The following PPIP5K2 variants were observed in gnomAD, a reference collection of about 807,000 sequenced individuals.
The protein encoded by PPIP5K2 is diphosphoinositol pentakisphosphate kinase 2.
A neutral mutation model predicts 154.6 loss-of-function variants in PPIP5K2; 105 were observed. That is an observed-to-expected ratio of 0.68 (90% CI 0.58 to 0.80). The LOEUF (loss-of-function observed/expected upper bound fraction) is 0.80, where lower values mean the gene tolerates loss of function less well. PPIP5K2 is among the 30% of genes least tolerant of loss of function. The pLI is 0.00. For synonymous variants in PPIP5K2, 480 were observed against 490.3 expected (o/e 0.98, Z 0.28); for missense variants, 992 against 1,504.6 (o/e 0.66, Z 5.64).
chr5:103,164,010 A>G (rs1337362242), intron 17 of PPIP5K2, among the ~76,000 whole-genome samples: 1 of 152,036 alleles, frequency 6.6e-6, no homozygotes, highest in East Asian at 1.9e-4. Flanking sequence ...TATATGTACA[A>G]ATATTTCATT....
rs555068609 is a variant in PPIP5K2, at chr5:103,135,699, T to G, written c.311-1033T>G. 6.7e-3 allele frequency among the ~76,000 whole-genome samples: 1,020 copies of G among 152,098 alleles called. 16 individuals are homozygous for G. Among genetic ancestry groups the G allele is most frequent in the Non-Finnish European group, 7.5e-3 (507 of 67,980 alleles). On this transcript the variant is annotated intron_variant, in intron 3 of 30. Coordinates refer to ENST00000358359, the MANE Select transcript of PPIP5K2 (RefSeq NM_001276277.3). ...CTCCCAACTCGGCCTCCCAAAGTAC[T>G]GGGACAGGCAAGAGCCACTGCACCT...
intron 19 of PPIP5K2, among the ~76,000 whole-genome samples, chr5:103,172,693 A>G (rs1798138725): frequency 6.6e-6 from 1 of 151,834 alleles, no homozygotes; most frequent in Non-Finnish European, 1.5e-5. Flanking sequence ...TCCAGTTAAA[A>G]CTTTAAAAAT....
intron 1 of PPIP5K2, among the ~76,000 whole-genome samples, chr5:103,127,659 CACTT>C (rs1789917153): frequency 2.0e-5 from 3 of 152,184 alleles, no homozygotes; most frequent in Admixed American, 2.0e-4. Flanking sequence ...TATGCTATCT[CACTT>C]AGTCTTTACA....
intron 23 of PPIP5K2, among the ~76,000 whole-genome samples, chr5:103,179,245 T>G (rs749004879): frequency 2.6e-5 from 4 of 152,066 alleles, no homozygotes; most frequent in Non-Finnish European, 5.9e-5. Context: ...AGGGTTTTTA[T>G]GTACTCAGTT....
chr5:103,125,858 C>A (rs1180788342), intron 1 of PPIP5K2, among the ~76,000 whole-genome samples: 1 of 152,158 alleles, frequency 6.6e-6, no homozygotes, highest in Non-Finnish European at 1.5e-5. Flanking sequence ...GTCTTGAACT[C>A]CTGGCCTCAA....
chr5:103,138,410 C>G lies in PPIP5K2; in HGVS notation c.428C>G (p.Ala143Gly). 6.2e-7 allele frequency: 1 copy of G among 1,601,472 alleles called. No homozygotes were observed. The highest frequency in any genetic ancestry group is 8.5e-7 in the Non-Finnish European group (1 of 1,169,986). ...AGAGAAGTATATAGTATTCTTCAAG[C>G]TGAAGGTATTTTACTTCCTCGTTAT... is the stretch of plus-strand genomic sequence containing the variant. ...DRREVYSILQ[A>G]EGILLPRYAI... The change falls in exon 5 of 31, where the codon GCT becomes GGT. Residue 143 changes from alanine (A) to glycine (G), a missense_variant. By Grantham distance (60) the Ala-to-Gly change is moderately conservative. Around this residue, in one of 9 missense-constraint regions of PPIP5K2, gnomAD observed 153 missense variants for 200.4 expected, o/e 0.76. Coordinates refer to ENST00000358359, the MANE Select transcript of PPIP5K2 (RefSeq NM_001276277.3).
In PPIP5K2 at chr5:103,211,845, T is replaced by A. The variant is rs997165474; in HGVS notation, c.*10211T>A. ...AAAGTTCATGGCAAAATAACCCACATAATTAACTGCTTTGTTACAAAAACT... is the reference window on the plus strand; with the variant it reads ...AAAGTTCATGGCAAAATAACCCACAAAATTAACTGCTTTGTTACAAAAACT... On this transcript the variant is annotated 3_prime_UTR_variant, in exon 31 of 31. Coordinates refer to ENST00000358359, the MANE Select transcript of PPIP5K2 (RefSeq NM_001276277.3). 6.6e-6 allele frequency: 1 copy of A among 152,128 alleles called. No homozygotes were observed. Among genetic ancestry groups the A allele is most frequent in the African/African-American group, 2.4e-5 (1 of 41,450 alleles). 9.4% of individuals were successfully genotyped at this position (152,128 alleles called of 1,614,324 possible). A position where few individuals can be genotyped will look rare whatever the true frequency, so the allele number is the denominator to read the frequency against.
chr5:103,155,981 T>C lies in PPIP5K2; in HGVS notation c.1476T>C (p.Ser492=). 6.3e-7 allele frequency: 1 copy of C among 1,585,704 alleles called. No individual in the cohort carries two copies. Among genetic ancestry groups the C allele is most frequent in the Non-Finnish European group, 8.7e-7 (1 of 1,154,450 alleles). ...TCCCTCATGGTTGTCCTAAAACATC[T>C]AGTGAAGAGGAGGGTATGTTATTCT... The part of the protein sequence containing the change: ...TYLPHGCPKT[S]SEEEDSRREE... The change falls in exon 14 of 31, where the codon TCT becomes TCC. Residue 492 remains serine (S), a synonymous_variant. Coordinates refer to ENST00000358359, the MANE Select transcript of PPIP5K2 (RefSeq NM_001276277.3).
intron 30 of PPIP5K2, among the ~76,000 whole-genome samples, chr5:103,195,349 G>A (rs1288902704): frequency 2.0e-5 from 3 of 151,962 alleles, no homozygotes; most frequent in Admixed American, 6.6e-5. Context: ...GCCAGGCATA[G>A]TGGTGCCCAC....
At position 103,141,571 on chromosome 5, in the gene PPIP5K2, C is replaced by T. The variant is rs566858189; in HGVS notation, c.487+3102C>T. Among the ~76,000 whole-genome samples, 6 of 152,274 alleles carry T rather than the reference C, an allele frequency of 3.9e-5. No homozygotes were observed. In the South Asian group the frequency reaches 6.2e-4, roughly 16 times the overall value. ...TGTTTTGTCAGGGCACTGATGGGTGCGTTTACAATCCCTGAGCTAGATACA... is the reference window on the plus strand; with the variant it reads ...TGTTTTGTCAGGGCACTGATGGGTGTGTTTACAATCCCTGAGCTAGATACA... On this transcript the variant is annotated intron_variant, in intron 5 of 30. Transcript: ENST00000358359.
In PPIP5K2 at chr5:103,169,738, T is replaced by G. The variant is rs191541819; in HGVS notation, c.2286+1443T>G. On this transcript the variant is annotated intron_variant, in intron 19 of 30. Transcript: ENST00000358359. ...ACATTTACTTAGGAAACAGGACTCA[T>G]TCCCTGACAATTTCTTTCATTTAGC... 5.5e-4 allele frequency among the ~76,000 whole-genome samples: 84 copies of G among 151,876 alleles called. 1 individual carries two copies. The highest frequency in any genetic ancestry group is 2.0e-3 in the African/African-American group (81 of 41,530).
chr5:103,184,021 A>T (rs1326182369), intron 25 of PPIP5K2, among the ~76,000 whole-genome samples: 2 of 152,198 alleles, frequency 1.3e-5, no homozygotes, highest in Non-Finnish European at 2.9e-5. Context: ...GAACAATTGC[A>T]TATGTGCCCA....
chr5:103,136,705 G>T, intron 3 of PPIP5K2, 27 bp from the exon 4 acceptor site: 3 of 1,548,870 alleles, frequency 1.9e-6, no homozygotes, highest in Middle Eastern at 1.7e-4. Context: ...AGATAATACA[G>T]AATATGTTAA....
chr5:103,158,538 G>T lies in PPIP5K2; in HGVS notation c.1702G>T (p.Gly568Ter). 1 of 1,611,100 alleles carries T rather than the reference G, an allele frequency of 6.2e-7. No homozygotes were observed. The highest frequency in any genetic ancestry group is 8.5e-7 in the Non-Finnish European group (1 of 1,179,072). The change falls in exon 16 of 31, where the codon GGA (glycine) becomes TGA (stop). Residue 568 changes from glycine to a stop codon, truncating the protein, a stop_gained. Transcript: ENST00000358359. LOFTEE classifies it high-confidence loss of function. ...HDLKIYASDE[G>*]RVQMTAAAFA... is the part of the protein sequence containing the mutation. ...CCTCAAAATATATGCCTCTGATGAA[G>T]GACGAGTCCAGATGACTGCAGCTGC...
At chr5:103,126,640 C>A (rs910552092) in intron 1 of PPIP5K2, among the ~76,000 whole-genome samples, 15 of 152,054 alleles carry the variant, frequency 9.9e-5, no homozygotes, top group Admixed American at 3.9e-4. Flanking sequence ...CAATCCGAGT[C>A]CCAAAGCTGA....
intron 24 of PPIP5K2, among the ~76,000 whole-genome samples, chr5:103,182,849 CTTAAA>C (rs1253846657): frequency 6.6e-6 from 1 of 151,862 alleles, no homozygotes; most frequent in African/African-American, 2.4e-5. Context: ...TTTTGAATAT[CTTAAA>C]TTAAGCAGAA....
intron 17 of PPIP5K2, among the ~76,000 whole-genome samples, chr5:103,165,638 G>A (rs781875318): frequency 3.9e-5 from 6 of 152,074 alleles, no homozygotes; most frequent in African/African-American, 1.2e-4. Flanking sequence ...GAAAAAAATG[G>A]TGAAATCATT....
intron 28 of PPIP5K2, chr5:103,189,055 A>G (rs559927959): frequency 4.4e-5 from 30 of 675,544 alleles, no homozygotes; most frequent in Non-Finnish European, 6.8e-5. Context: ...TGTTATTTCC[A>G]TCTTTAACAC....
At chr5:103,194,753 AG>A (rs569511423) in intron 29 of PPIP5K2, 146 bp from the exon 30 acceptor site, 41 of 756,386 alleles carry the variant, frequency 5.4e-5, no homozygotes, top group Non-Finnish European at 8.6e-5. Context: ...TATTAAAAAA[AG>A]GTGATTTTGC....
Sources: gnomAD v4.1 joint callset for allele counts (sites outside exome capture counted in the v4.1 genomes callset) on GRCh38, gnomAD v4.1.1 for gene constraint, gnomAD v4.1.1 regional missense constraint, MANE v1.5 for transcripts, NCBI Gene and HGNC (gene_info 2026-07-23, HGNC 2026-07-21) for gene names.